Variants in TNRC6C observed in about 807,000 individuals in gnomAD.
The protein encoded by TNRC6C is trinucleotide repeat containing adaptor 6C.
TNRC6C carries 20 observed loss-of-function variants against 153.7 expected under a neutral mutation model. That is an observed-to-expected ratio of 0.13 (90% confidence interval 0.09 to 0.19). TNRC6C has a LOEUF of 0.19. Among genes scored for constraint, TNRC6C ranks in the 10% least tolerant of loss-of-function variants. The pLI, the probability that TNRC6C is intolerant of heterozygous loss-of-function variation, is 1.00. For missense variants in TNRC6C, 1,987 were observed against 2,172.0 expected (o/e 0.91, Z 1.69); for synonymous variants, 811 against 841.4 (o/e 0.96, Z 0.63).
intron 2 of TNRC6C, among the ~76,000 whole-genome samples, chr17:78,037,745 G>A (rs1388595318): frequency 6.6e-6 from 1 of 152,162 alleles, no homozygotes; most frequent in Non-Finnish European, 1.5e-5. Context: ...GCTTCTTTTG[G>A]TAATAGAGCC....
chr17:78,024,424 T>C (rs962464075), intron 1 of TNRC6C, among the ~76,000 whole-genome samples: 10 of 152,152 alleles, frequency 6.6e-5, no homozygotes, highest in Non-Finnish European at 1.5e-4. Context: ...TGGAGTGCAG[T>C]GGCCCGATCT....
In TNRC6C at chr17:77,967,498, G is replaced by A. The variant is rs147674515; in HGVS notation, c.-38+8230G>A. ...TGTTTTCAACTAGTAAGCCTGGTAC[G>A]TGGGGCTGTATCTGCAGATTTGAGG... On this transcript the variant is annotated intron_variant, in intron 1 of 22. Coordinates refer to the TNRC6C transcript ENST00000636222. Among the ~76,000 whole-genome samples the A allele has an allele frequency of 8.6e-3, 1,311 of 152,182 alleles. 13 individuals are homozygous for A. The highest frequency in any genetic ancestry group is 0.02 in the Middle Eastern group (6 of 294).
rs368872633 is a variant in TNRC6C at position 78,060,664 on chromosome 17, C to T, written c.2396-4058C>T. Among the ~76,000 whole-genome samples, 132 of 152,040 alleles carry T rather than the reference C, an allele frequency of 8.7e-4. 2 individuals are homozygous for T. The South Asian group carries it at 0.026, about 30-fold the overall frequency. On this transcript the variant is annotated intron_variant, in intron 3 of 19. Transcript: ENST00000301624. The stretch of plus-strand genomic sequence containing the variant: ...TAGGCTGGTCTCAAACTCCTGGCCT[C>T]AAGTGATCCACCTCAAGTGAGCCAC...
chr17:77,973,310 A>C (rs899452718), intron 1 of TNRC6C, among the ~76,000 whole-genome samples: 1 of 152,248 alleles, frequency 6.6e-6, no homozygotes, highest in Non-Finnish European at 1.5e-5. Flanking sequence ...AAAAACTTTC[A>C]ACAAATTAGG....
chr17:78,051,316 A>T (rs2072527727), exon 3 of TNRC6C: 4 of 1,551,664 alleles, frequency 2.6e-6, no homozygotes, highest in Non-Finnish European at 1.7e-6. Flanking sequence ...CAACCCGGTC[A>T]TCCAGAGCAG....
intron 9 of TNRC6C, 199 bp downstream of exon 11, chr17:78,077,533 A>G (rs2073105792): frequency 2.9e-6 from 2 of 695,950 alleles, no homozygotes; most frequent in Non-Finnish European, 4.7e-6. Flanking sequence ...TGCTTTAGTT[A>G]TATTTATTCT....
chr17:77,988,551 CT>C (rs1319679863), intron 1 of TNRC6C, among the ~76,000 whole-genome samples: 1 of 152,150 alleles, frequency 6.6e-6, no homozygotes, highest in African/African-American at 2.4e-5. Flanking sequence ...CTTTTCTCTT[CT>C]TTTATCTGAG....
At chr17:77,968,931 G>C (rs1483919867) in intron 1 of TNRC6C, among the ~76,000 whole-genome samples, 1 of 152,154 alleles carries the variant, frequency 6.6e-6, no homozygotes, top group Non-Finnish European at 1.5e-5. Flanking sequence ...GGAGTAGAGA[G>C]AGACCTGGTT....
intron 8 of TNRC6C, among the ~76,000 whole-genome samples, chr17:78,076,713 T>C (rs1279755871): frequency 1.3e-5 from 2 of 152,162 alleles, no homozygotes; most frequent in Admixed American, 1.3e-4. Context: ...AAAAAATTAA[T>C]AAGGTTCTGT....
At chr17:78,058,656 A>G (rs1023079944) in intron 3 of TNRC6C, among the ~76,000 whole-genome samples, 2 of 152,240 alleles carry the variant, frequency 1.3e-5, no homozygotes, top group South Asian at 2.1e-4. Context: ...TGCCAATCAG[A>G]AAACTGGCAG....
At position 78,039,309 on chromosome 17, in the gene TNRC6C, G is replaced by GCCCCCCCCCCC. The variant is rs11306576; in HGVS notation, c.-219+7469_-219+7479dup. On this transcript the variant is annotated intron_variant, in intron 2 of 19. Coordinates refer to ENST00000301624, the Ensembl canonical transcript of TNRC6C. ...CCACAGAACAGCAATTTCAAATCTT[G>GCCCCCCCCCCC]CCCCCCCCCCCCACTCCCTACCTCT... Among the ~76,000 whole-genome samples, 33 of 113,458 alleles carry GCCCCCCCCCCC rather than the reference G, an allele frequency of 2.9e-4. 1 individual carries two copies. Among genetic ancestry groups the GCCCCCCCCCCC allele is most frequent in the African/African-American group, 1.0e-3 (29 of 27,972 alleles). The allele number at this position is 113,458 out of a possible 152,430, so 74.4% of individuals were successfully genotyped here. A position where few individuals can be genotyped will look rare whatever the true frequency, so the allele number is the denominator to read the frequency against.
intron 3 of TNRC6C, among the ~76,000 whole-genome samples, chr17:78,054,692 C>T (rs1488465731): frequency 6.6e-6 from 1 of 152,066 alleles, no homozygotes; most frequent in East Asian, 1.9e-4. Context: ...CTGCAGACTA[C>T]TGTAGACTAC....
At chr17:77,987,195 T>C (rs887716966) in intron 1 of TNRC6C, among the ~76,000 whole-genome samples, 1 of 152,172 alleles carries the variant, frequency 6.6e-6, no homozygotes. Context: ...GGCCAGGATA[T>C]ATAGACAGGC....
At chr17:77,985,556 C>T (rs1305055372) in intron 1 of TNRC6C, among the ~76,000 whole-genome samples, 4 of 150,124 alleles carry the variant, frequency 2.7e-5, no homozygotes, top group African/African-American at 7.5e-5. Flanking sequence ...GAGCCGAGAT[C>T]GCGCCACTGC....
intron 12 of TNRC6C, 105 bp downstream of exon 14, chr17:78,086,691 A>C: frequency 1.9e-6 from 3 of 1,559,936 alleles, no homozygotes; most frequent in Non-Finnish European, 2.6e-6. Context: ...TCTCTAGCCA[A>C]GCCTTCCTTT....
At chr17:78,067,476 G>C (rs2072905008) in intron 4 of TNRC6C, among the ~76,000 whole-genome samples, 2 of 152,204 alleles carry the variant, frequency 1.3e-5, no homozygotes, top group South Asian at 4.1e-4. Flanking sequence ...TTTGTTCTTA[G>C]CATGTTTATG....
chr17:78,056,031 T>C (rs1302923096), intron 3 of TNRC6C, among the ~76,000 whole-genome samples: 2 of 152,182 alleles, frequency 1.3e-5, no homozygotes, highest in Non-Finnish European at 2.9e-5. Flanking sequence ...ACTTTTTCTT[T>C]TAGAGACAGA....
chr17:78,071,433 T>C (rs1000394999), intron 6 of TNRC6C, among the ~76,000 whole-genome samples: 6 of 152,190 alleles, frequency 3.9e-5, no homozygotes, highest in African/African-American at 7.2e-5. Context: ...CTTTTTTTTT[T>C]TGGAGACAGG....
rs139536130 is a variant in TNRC6C at position 78,098,248 on chromosome 17, G to A, written c.4307-95G>A. 2.3e-4 allele frequency: 279 copies of A among 1,203,260 alleles called. 1 individual carries two copies. In the African/African-American group the frequency reaches 4.0e-3, roughly 17 times the overall value. 74.5% of individuals were successfully genotyped at this position (1,203,260 alleles called of 1,614,324 possible). On this transcript the variant is annotated intron_variant, in intron 16 of 19. Coordinates refer to ENST00000301624, the Ensembl canonical transcript of TNRC6C. ...TCTTTGCCTATCACACAGTCTGCTGGTGTTAGAGAGCACTCTGTGTGGCTC... is the reference window on the plus strand; with the variant it reads ...TCTTTGCCTATCACACAGTCTGCTGATGTTAGAGAGCACTCTGTGTGGCTC...
Sources: allele counts gnomAD v4.1 joint callset (sites outside exome capture counted in the v4.1 genomes callset), GRCh38; gene constraint gnomAD v4.1.1; transcripts MANE v1.5; gene names NCBI Gene and HGNC (gene_info 2026-07-23, HGNC 2026-07-21).